The following AGTPBP1 variants were observed in gnomAD, a reference collection of about 807,000 sequenced individuals.
AGTPBP1 encodes ATP/GTP binding carboxypeptidase 1.
In AGTPBP1, 70 loss-of-function variants were observed where a neutral mutation model predicts 143.9. That is an observed-to-expected ratio of 0.49 (90% CI 0.40 to 0.59). The LOEUF (loss-of-function observed/expected upper bound fraction) is 0.59. AGTPBP1 is among the 20% of genes least tolerant of loss of function. The pLI, the probability that AGTPBP1 is intolerant of heterozygous loss-of-function variation, is 0.00. For missense variants in AGTPBP1, 1,229 were observed against 1,464.5 expected (o/e 0.84, Z 2.62); for synonymous variants, 463 against 500.2 (o/e 0.93, Z 0.99).
the AGTPBP1 span, among the ~76,000 whole-genome samples, chr9:85,800,472 C>T: frequency 6.6e-6 from 1 of 152,202 alleles, no homozygotes; most frequent in Non-Finnish European, 1.5e-5. Context: ...CATCCATCTG[C>T]TTTCCACGTT....
At chr9:85,677,639 T>C in intron 5 of AGTPBP1, 57 bp from the exon 6 acceptor site, 3 of 1,379,204 alleles carry the variant, frequency 2.2e-6, no homozygotes, top group Non-Finnish European at 2.9e-6. Flanking sequence ...ATTAACAAAT[T>C]TAAACAAACA....
chr9:85,623,409 C>T (rs144181796), intron 14 of AGTPBP1, among the ~76,000 whole-genome samples: 3,098 of 152,160 alleles, frequency 0.02, 53 homozygotes, highest in Non-Finnish European at 0.03. Context: ...TTATATTAGA[C>T]TAGATCTAAA....
intron 2 of AGTPBP1, among the ~76,000 whole-genome samples, chr9:85,700,224 A>G (rs62569255): frequency 0.017 from 2,551 of 152,332 alleles, 26 homozygotes; most frequent in Middle Eastern, 0.054. Flanking sequence ...AGGTTATACT[A>G]CCAAAACGAA....
At chr9:85,694,006 G>A (rs1316011631) in intron 2 of AGTPBP1, among the ~76,000 whole-genome samples, 2 of 152,210 alleles carry the variant, frequency 1.3e-5, no homozygotes, top group South Asian at 2.1e-4. Context: ...GAGGTGGCCA[G>A]TGTGGCTGGA....
intron 25 of AGTPBP1, among the ~76,000 whole-genome samples, chr9:85,572,016 T>G (rs1209075137): frequency 1.2e-3 from 22 of 18,820 alleles, no homozygotes; most frequent in South Asian, 9.6e-3. Context: ...TTTTTTTTTT[T>G]TTTTTTTTTT....
At chr9:85,781,242 T>G in the AGTPBP1 span, 6 of 1,536,824 alleles carry the variant, frequency 3.9e-6, no homozygotes, top group Non-Finnish European at 5.2e-6. Flanking sequence ...TCAAAACATA[T>G]GAAGATAAAA....
At chr9:85,580,909 A>G in intron 23 of AGTPBP1, among the ~76,000 whole-genome samples, 1 of 152,282 alleles carries the variant, frequency 6.6e-6, no homozygotes, top group African/African-American at 2.4e-5. Flanking sequence ...TGTAGTGTTT[A>G]AAAAACATTA....
intron 14 of AGTPBP1, among the ~76,000 whole-genome samples, chr9:85,627,168 C>T (rs919973055): frequency 6.6e-6 from 1 of 152,140 alleles, no homozygotes; most frequent in South Asian, 2.1e-4. Context: ...TAATGAGTAT[C>T]AACCCAAATT....
chr9:85,568,775 A>G lies in AGTPBP1; in HGVS notation c.3503+6540T>C, dbSNP rs543345343. Among the ~76,000 whole-genome samples, 14 of 152,292 alleles carry G rather than the reference A, an allele frequency of 9.2e-5. 1 individual carries two copies. The highest frequency in any genetic ancestry group is 3.1e-4 in the African/African-American group (13 of 41,568). On this transcript the variant is annotated intron_variant, in intron 25 of 25. Coordinates refer to ENST00000357081, the MANE Select transcript of AGTPBP1 (RefSeq NM_001330701.2). Reference sequence around the variant, plus strand: ...AAGAGAAATCAAAAAGTTCTGGGTGATGGATTGGGTTAAGGGTAAGCGAGA... The same window carrying G: ...AAGAGAAATCAAAAAGTTCTGGGTGGTGGATTGGGTTAAGGGTAAGCGAGA...
intron 22 of AGTPBP1, among the ~76,000 whole-genome samples, chr9:85,586,206 GAA>G (rs202123016): frequency 2.8e-5 from 3 of 105,934 alleles, no homozygotes; most frequent in African/African-American, 3.4e-5. Context: ...ACTCCATCTC[GAA>G]AAAAAAAAAA....
chr9:85,732,373 C>T (rs749651864), intron 1 of AGTPBP1, among the ~76,000 whole-genome samples: 6 of 151,938 alleles, frequency 3.9e-5, no homozygotes, highest in Non-Finnish European at 7.4e-5. Context: ...CACCACCAGG[C>T]TCGGCTAATT....
chr9:85,659,063 T>C (rs1405618796), intron 9 of AGTPBP1, among the ~76,000 whole-genome samples: 1 of 152,140 alleles, frequency 6.6e-6, no homozygotes, highest in Non-Finnish European at 1.5e-5. Flanking sequence ...AGATTCCCAA[T>C]AGCCTAAATG....
chr9:85,671,711 G>A (rs796823379), intron 7 of AGTPBP1, among the ~76,000 whole-genome samples: 15 of 152,140 alleles, frequency 9.9e-5, no homozygotes, highest in South Asian at 2.1e-4. Context: ...CACCTCATGC[G>A]TGGAACCTCG....
At chr9:85,717,874 T>C (rs953113185) in intron 1 of AGTPBP1, among the ~76,000 whole-genome samples, 3 of 148,354 alleles carry the variant, frequency 2.0e-5, no homozygotes, top group Non-Finnish European at 4.5e-5. Flanking sequence ...TTCCCCGCCC[T>C]GTGTCCATGT....
the AGTPBP1 span, among the ~76,000 whole-genome samples, chr9:85,803,101 T>C: frequency 5.3e-5 from 8 of 152,276 alleles, no homozygotes; most frequent in South Asian, 1.7e-3. Context: ...TCTCCCACTG[T>C]CCAATCTATC....
At chr9:85,608,945 T>C (rs553030654) in intron 17 of AGTPBP1, among the ~76,000 whole-genome samples, 37 of 152,242 alleles carry the variant, frequency 2.4e-4, no homozygotes, top group African/African-American at 8.7e-4. Flanking sequence ...AGGGAGATTA[T>C]TACATAAACT....
the AGTPBP1 span, among the ~76,000 whole-genome samples, chr9:85,782,259 A>C: frequency 4.6e-5 from 7 of 152,336 alleles, no homozygotes; most frequent in Non-Finnish European, 7.4e-5. Context: ...TCATGCCTGT[A>C]ATCCCAGCAC....
rs773483117 is a variant in AGTPBP1, at chr9:85,661,002, AC to A, written c.663-30del. ...TCAACACAACAAGAAAACACAAACA[AC>A]AACAAAACTAGTAAAATTAATCTAC... On this transcript the variant is annotated intron_variant, in intron 8 of 25. Transcript: ENST00000357081. 9.5e-6 allele frequency: 15 copies of A among 1,572,392 alleles called. No individual in the cohort carries two copies. The South Asian group carries it at 1.7e-4, about 17-fold the overall frequency.
At chr9:85,616,431 C>G (rs1830605014) in intron 17 of AGTPBP1, among the ~76,000 whole-genome samples, 1 of 151,826 alleles carries the variant, frequency 6.6e-6, no homozygotes, top group South Asian at 2.1e-4. Flanking sequence ...AACAGAGAAG[C>G]ATTGCTCCAA....
Sources: gnomAD v4.1 joint callset for allele counts (sites outside exome capture counted in the v4.1 genomes callset) on GRCh38, gnomAD v4.1.1 for gene constraint, MANE v1.5 for transcripts, NCBI Gene and HGNC (gene_info 2026-07-23, HGNC 2026-07-21) for gene names.